CFAP53: variants seen among roughly 807,000 people sequenced by gnomAD.
CFAP53 encodes the protein cilia and flagella associated protein 53, also known as cilia- and flagella-associated protein 53.
In CFAP53, 62 loss-of-function variants were observed where a neutral mutation model predicts 59.7. The observed-to-expected ratio is 1.04, with a 90% CI of 0.85 to 1.28. The LOEUF (loss-of-function observed/expected upper bound fraction) is 1.28, where lower values mean the gene tolerates loss of function less well. CFAP53 is among the 50% of genes most tolerant of loss of function. The pLI, the probability that CFAP53 is intolerant of heterozygous loss-of-function variation, is 0.00. For missense variants in CFAP53, 629 were observed against 615.6 expected, an observed-to-expected ratio of 1.02 and a Z score of -0.23; for synonymous variants, 218 against 205.7, an observed-to-expected ratio of 1.06 and a Z score of -0.51.
chr18:50,243,251 T>C (rs2033710807), intron 5 of CFAP53, 135 bp from the exon 6 acceptor site: 1 of 657,410 alleles, frequency 1.5e-6, no homozygotes, highest in South Asian at 1.9e-5. Flanking sequence ...CAGATGTATG[T>C]CTGGAGTTTA....
At position 50,239,309 on chromosome 18, in the gene CFAP53, G is replaced by A. The variant is rs142984996; in HGVS notation, c.1214-604C>T. ...AGGCTGAGGCACAAGTGCCTAGATCGTGCCACTGCATTCCAGCCTGGGCAA... is the reference window on the plus strand; with the variant it reads ...AGGCTGAGGCACAAGTGCCTAGATCATGCCACTGCATTCCAGCCTGGGCAA... On this transcript the variant is annotated intron_variant, in intron 6 of 7. Coordinates refer to ENST00000398545, the MANE Select transcript of CFAP53 (RefSeq NM_145020.5). Among the ~76,000 whole-genome samples the A allele has an allele frequency of 7.5e-3, 1,132 of 151,836 alleles. 28 individuals carry two copies. Among genetic ancestry groups the A allele is most frequent in the East Asian group, 0.074 (382 of 5,172 alleles).
intron 5 of CFAP53, among the ~76,000 whole-genome samples, chr18:50,245,388 C>CAAA (rs57613061): frequency 1.1e-5 from 1 of 94,048 alleles, no homozygotes; most frequent in Non-Finnish European, 2.1e-5. Flanking sequence ...GACTCCGTCT[C>CAAA]AAAAAAAAAA....
chr18:50,233,656 T>C (rs1170670511), intron 7 of CFAP53, among the ~76,000 whole-genome samples: 4 of 152,260 alleles, frequency 2.6e-5, no homozygotes, highest in African/African-American at 7.2e-5. Context: ...GCTTTGTTTT[T>C]ATTCTATCAC....
At chr18:50,236,564 TC>T (rs1394450043) in intron 7 of CFAP53, among the ~76,000 whole-genome samples, 1 of 152,128 alleles carries the variant, frequency 6.6e-6, no homozygotes, top group African/African-American at 2.4e-5. Flanking sequence ...ATTGGAACTC[TC>T]CCTCTCAAAA....
intron 3 of CFAP53, 39 bp from the exon 4 acceptor site, chr18:50,251,823 C>G (rs774223273): frequency 3.2e-6 from 5 of 1,549,172 alleles, no homozygotes; most frequent in Admixed American, 1.7e-5. Flanking sequence ...CCCAGCCTTT[C>G]GTGAGGCACT....
chr18:50,245,873 T>C (rs1356467560), intron 5 of CFAP53, among the ~76,000 whole-genome samples: 1 of 152,058 alleles, frequency 6.6e-6, no homozygotes, highest in Admixed American at 6.6e-5. Flanking sequence ...TTTTTTGAGA[T>C]GAAGTTTCAC....
rs754296126 is a variant in CFAP53, at chr18:50,266,425, G to T, written c.-21C>A. On this transcript the variant is annotated 5_prime_UTR_variant, in exon 1 of 8. Coordinates refer to ENST00000398545, the MANE Select transcript of CFAP53 (RefSeq NM_145020.5). ...TACATTTTCGAGTCCCCTTCGGGAC[G>T]GGGGCGGCGTCCGCCGCGTTTCCCC... 58 of 1,613,182 alleles carry T rather than the reference G, an allele frequency of 3.6e-5. No individual in the cohort carries two copies. The South Asian group carries it at 4.3e-4, about 12-fold the overall frequency.
chr18:50,227,814 T>A (rs2033540147), intron 7 of CFAP53, among the ~76,000 whole-genome samples: 1 of 152,174 alleles, frequency 6.6e-6, no homozygotes, highest in Non-Finnish European at 1.5e-5. Context: ...ATATTGATTT[T>A]AGAGAGGAAA....
chr18:50,243,360 G>C (rs111693183), intron 5 of CFAP53, among the ~76,000 whole-genome samples: 1 of 152,192 alleles, frequency 6.6e-6, no homozygotes. Context: ...TGATGGACAC[G>C]TGGGGACTCA....
rs748351880 is a variant in CFAP53 at position 50,250,878 on chromosome 18, T to C, written c.876A>G (p.Leu292=). The change falls in exon 5 of 8, where the codon CTA becomes CTG. Residue 292 remains leucine, a synonymous_variant. Coordinates refer to ENST00000398545, the MANE Select transcript of CFAP53 (RefSeq NM_145020.5). The part of the protein sequence containing the change: ...QETRTILQKA[L]QERIEHIQQE... ...GCTGAATATGTTCTATCCTCTCTTGTAGGGCTTTTTGCAAAATGGTCCTAG... is the reference window on the plus strand; with the variant it reads ...GCTGAATATGTTCTATCCTCTCTTGCAGGGCTTTTTGCAAAATGGTCCTAG... The C allele has an allele frequency of 3.7e-6, 6 of 1,614,090 alleles. No individual in the cohort carries two copies. In the African/African-American group the frequency reaches 5.3e-5, roughly 14 times the overall value.
rs1455107139 is a variant in CFAP53, at chr18:50,237,353, C to T, written c.1316+1250G>A. Among the ~76,000 whole-genome samples the T allele has an allele frequency of 9.1e-3, 329 of 36,310 alleles. 43 individuals are homozygous for T. The East Asian group carries it at 0.2, about 23-fold the overall frequency. The allele number at this position is 36,310 out of a possible 152,430, so 23.8% of individuals were successfully genotyped here. A position where few individuals can be genotyped will look rare whatever the true frequency, so the allele number is the denominator to read the frequency against. On this transcript the variant is annotated intron_variant, in intron 7 of 7. Transcript: ENST00000398545. Reference sequence around the variant, plus strand: ...AAATATATATATATATATATATATACGCACACATATATATACACACACACA... The same window carrying T: ...AAATATATATATATATATATATATATGCACACATATATATACACACACACA...
At chr18:50,230,508 G>A (rs2033571913) in intron 7 of CFAP53, among the ~76,000 whole-genome samples, 1 of 152,236 alleles carries the variant, frequency 6.6e-6, no homozygotes, top group Non-Finnish European at 1.5e-5. Context: ...TTCCTGAGTT[G>A]TGTCCATTGT....
intron 7 of CFAP53, among the ~76,000 whole-genome samples, chr18:50,237,351 T>TATATATATATATAC (rs67836600): frequency 0.019 from 312 of 16,278 alleles, 69 homozygotes; most frequent in Non-Finnish European, 0.026. Flanking sequence ...TATATATATA[T>TATATATATATATAC]ACGCACACAT....
intron 3 of CFAP53, among the ~76,000 whole-genome samples, chr18:50,260,245 A>G (rs1300270273): frequency 6.6e-6 from 1 of 152,200 alleles, no homozygotes; most frequent in Non-Finnish European, 1.5e-5. Context: ...GATTGAGTAC[A>G]GTAAAGACCA....
At chr18:50,238,839 G>A in intron 6 of CFAP53, 134 bp from the exon 7 acceptor site, 1 of 604,078 alleles carries the variant, frequency 1.7e-6, no homozygotes, top group Non-Finnish European at 2.8e-6. Context: ...GATTGATAAA[G>A]TAGAAGTACA....
At chr18:50,246,222 C>G (rs2033742698) in intron 5 of CFAP53, among the ~76,000 whole-genome samples, 1 of 152,164 alleles carries the variant, frequency 6.6e-6, no homozygotes, top group African/African-American at 2.4e-5. Flanking sequence ...AAACTTACTA[C>G]AAAGCTACGG....
At chr18:50,243,310 A>G (rs1250035966) in intron 5 of CFAP53, among the ~76,000 whole-genome samples, 194 bp from the exon 6 acceptor site, 1 of 152,236 alleles carries the variant, frequency 6.6e-6, no homozygotes, top group African/African-American at 2.4e-5. Context: ...GATATAGAAG[A>G]GACAAGAATG....
Position 50,266,458 on chromosome 18 carries a change from G to T in CFAP53, c.-54C>A, listed in dbSNP as rs1013358150. Reference sequence around the variant, plus strand: ...CGTCCGCCGCGTTTCCCCCAACCGTGGCGACCTGCGGGACCCGCTTCCGCG... The same window carrying T: ...CGTCCGCCGCGTTTCCCCCAACCGTTGCGACCTGCGGGACCCGCTTCCGCG... On this transcript the variant is annotated 5_prime_UTR_variant, in exon 1 of 8. Coordinates refer to ENST00000398545, the MANE Select transcript of CFAP53 (RefSeq NM_145020.5). 1 of 1,561,118 alleles carries T rather than the reference G, an allele frequency of 6.4e-7. No individual in the cohort carries two copies. The highest frequency in any genetic ancestry group is 1.4e-5 in the African/African-American group (1 of 73,922).
intron 5 of CFAP53, among the ~76,000 whole-genome samples, chr18:50,249,680 T>C (rs942716191): frequency 3.3e-5 from 5 of 152,126 alleles, no homozygotes; most frequent in Admixed American, 2.0e-4. Flanking sequence ...AATAAAATTA[T>C]AGAAATGAAG....
Sources: allele counts gnomAD v4.1 joint callset (sites outside exome capture counted in the v4.1 genomes callset), GRCh38; gene constraint gnomAD v4.1.1; transcripts MANE v1.5; gene names NCBI Gene and HGNC (gene_info 2026-07-23, HGNC 2026-07-21).